The following DNAH8 variants were observed in gnomAD, a reference collection of about 807,000 sequenced individuals.
DNAH8 encodes dynein axonemal heavy chain 8, also known as axonemal beta dynein heavy chain 8.
DNAH8 carries 382 observed loss-of-function variants against 562.1 expected under a neutral mutation model. The observed-to-expected ratio is 0.68, with a 90% CI of 0.63 to 0.74. DNAH8 has a LOEUF of 0.74. Ranked by LOEUF, DNAH8 falls within the 30% of genes least tolerant of loss-of-function variation. DNAH8 has a pLI of 0.00. For synonymous variants in DNAH8, 1,881 were observed against 1,919.4 expected (o/e 0.98, Z 0.52); for missense variants, 5,203 against 5,620.4 (o/e 0.93, Z 2.37).
chr6:38,864,652 A>G (rs558726617), intron 45 of DNAH8, among the ~76,000 whole-genome samples: 13 of 147,408 alleles, frequency 8.8e-5, no homozygotes, highest in African/African-American at 3.0e-4. Context: ...GTCCTAAGAC[A>G]TTGGCTAAAG....
chr6:38,889,314 T>A (rs1423903000), intron 57 of DNAH8, among the ~76,000 whole-genome samples: 1 of 150,612 alleles, frequency 6.6e-6, no homozygotes, highest in Non-Finnish European at 1.5e-5. Flanking sequence ...TTTCAAAAAT[T>A]TTTTTTTTTT....
chr6:38,854,747 A>G (rs1776048444), intron 41 of DNAH8, among the ~76,000 whole-genome samples: 1 of 151,928 alleles, frequency 6.6e-6, no homozygotes, highest in Non-Finnish European at 1.5e-5. Context: ...GAGAGTTGAG[A>G]GCAAGTTCCA....
intron 10 of DNAH8, among the ~76,000 whole-genome samples, chr6:38,760,574 C>T (rs1409782911): frequency 1.3e-5 from 2 of 151,920 alleles, no homozygotes; most frequent in Non-Finnish European, 2.9e-5. Context: ...TTATTTCTAG[C>T]TCACTGATAT....
chr6:38,864,245 T>A (rs922542805), intron 45 of DNAH8, among the ~76,000 whole-genome samples, 185 bp downstream of exon 45: 1 of 151,704 alleles, frequency 6.6e-6, no homozygotes, highest in African/African-American at 2.4e-5. Context: ...TTTTTTCAAT[T>A]AAAAAAAATT....
chr6:38,744,664 T>A (rs1764784415), intron 8 of DNAH8, among the ~76,000 whole-genome samples: 1 of 152,112 alleles, frequency 6.6e-6, no homozygotes, highest in Non-Finnish European at 1.5e-5. Flanking sequence ...ACTATCATGA[T>A]TCACTGCACG....
rs1027145777 is a variant in DNAH8, at chr6:38,874,352, T to C, written c.7620+976T>C. Among the ~76,000 whole-genome samples the C allele has an allele frequency of 2.2e-5, 3 of 138,692 alleles. No individual in the cohort carries two copies. In the South Asian group the frequency reaches 7.7e-4, roughly 36 times the overall value. The allele number at this position is 138,692 out of a possible 152,430, so 91.0% of individuals were successfully genotyped here. A position where few individuals can be genotyped will look rare whatever the true frequency, so the allele number is the denominator to read the frequency against. ...TCCCTCTCTCTCTCTTCTTTTCTTT[T>C]CCTTTCTTTTCTTTCCTTTTCTTTC... On this transcript the variant is annotated intron_variant, in intron 52 of 92. Transcript: ENST00000327475.
Position 38,925,286 on chromosome 6 carries a change from A to ATTATT in DNAH8, c.10963-711_10963-707dup, listed in dbSNP as rs72056166. 9.5e-3 allele frequency among the ~76,000 whole-genome samples: 1,232 copies of ATTATT among 129,980 alleles called. 20 individuals are homozygous for ATTATT. The highest frequency in any genetic ancestry group is 0.027 in the East Asian group (120 of 4,378). The allele number at this position is 129,980 out of a possible 152,430, so 85.3% of individuals were successfully genotyped here. On this transcript the variant is annotated intron_variant, in intron 73 of 92. Transcript: ENST00000327475. ...GGCTGGTTGGCTCATTGGATCTCTG[A>ATTATT]TTATTTTATTTTATTTTATTTTATT...
At chr6:38,988,764 G>T (rs1764582052) in intron 87 of DNAH8, among the ~76,000 whole-genome samples, 1 of 152,048 alleles carries the variant, frequency 6.6e-6, no homozygotes, top group Middle Eastern at 3.4e-3. Flanking sequence ...AAGTTCTCCG[G>T]TCAAACTCCT....
chr6:38,897,779 A>AAAAAAT (rs1341263902), intron 60 of DNAH8, among the ~76,000 whole-genome samples: 135 of 152,260 alleles, frequency 8.9e-4, no homozygotes, highest in African/African-American at 2.8e-3. Flanking sequence ...CCTTGACTCT[A>AAAAAAT]AAAAATAAAA....
At position 38,874,103 on chromosome 6, in the gene DNAH8, TCC is replaced by T. The variant is rs1161773726; in HGVS notation, c.7620+728_7620+729del. Among the ~76,000 whole-genome samples, 135 of 67,256 alleles carry T rather than the reference TCC, an allele frequency of 2.0e-3. 4 individuals carry two copies. The highest frequency in any genetic ancestry group is 4.5e-3 in the African/African-American group (87 of 19,320). 44.1% of individuals were successfully genotyped at this position (67,256 alleles called of 152,430 possible). Reference sequence around the variant, plus strand: ...TTCTTTCTTTCTTTCTTTCTCTTTCTCCTTCCTTCCTTCCTCCTTCTCTCTTT... The same window carrying T: ...TTCTTTCTTTCTTTCTTTCTCTTTCTTTCCTTCCTTCCTCCTTCTCTCTTT... On this transcript the variant is annotated intron_variant, in intron 52 of 92. Coordinates refer to ENST00000327475, the MANE Select transcript of DNAH8 (RefSeq NM_001206927.2).
At chr6:38,881,449 A>G (rs1778470413) in intron 53 of DNAH8, among the ~76,000 whole-genome samples, 1 of 152,228 alleles carries the variant, frequency 6.6e-6, no homozygotes, top group South Asian at 2.1e-4. Context: ...GATAGGAATA[A>G]CGCCAATACA....
chr6:38,803,564 A>G (rs1770978364), intron 22 of DNAH8, among the ~76,000 whole-genome samples: 1 of 149,186 alleles, frequency 6.7e-6, no homozygotes, highest in South Asian at 2.1e-4. Flanking sequence ...TGGCCTTCCT[A>G]TGGATAGCAG....
At chr6:38,987,280 C>T (rs978126994) in intron 87 of DNAH8, among the ~76,000 whole-genome samples, 1 of 152,234 alleles carries the variant, frequency 6.6e-6, no homozygotes, top group Non-Finnish European at 1.5e-5. Flanking sequence ...GGGGATTCCC[C>T]TCTCTGACCC....
chr6:38,839,743 A>G (rs1004638728), intron 33 of DNAH8, among the ~76,000 whole-genome samples: 4 of 151,424 alleles, frequency 2.6e-5, no homozygotes, highest in Non-Finnish European at 5.9e-5. Flanking sequence ...GCTCACAGCA[A>G]CCTCCACCTG....
intron 88 of DNAH8, among the ~76,000 whole-genome samples, chr6:39,002,832 C>A (rs541104991): frequency 6.6e-6 from 1 of 152,274 alleles, no homozygotes; most frequent in South Asian, 2.1e-4. Context: ...CAAACACTTG[C>A]TAGATCTGAT....
chr6:38,719,703 A>T (rs1762602426), intron 1 of DNAH8, among the ~76,000 whole-genome samples: 1 of 152,186 alleles, frequency 6.6e-6, no homozygotes, highest in Non-Finnish European at 1.5e-5. Context: ...ATTACAGCTC[A>T]TTCCCTCTAG....
intron 63 of DNAH8, among the ~76,000 whole-genome samples, chr6:38,907,460 A>G (rs1262321947): frequency 2.0e-5 from 3 of 152,202 alleles, no homozygotes; most frequent in African/African-American, 7.2e-5. Flanking sequence ...CTGCAAAACA[A>G]CCTTATCAAT....
intron 92 of DNAH8, among the ~76,000 whole-genome samples, chr6:39,028,312 T>C (rs899485528): frequency 3.9e-5 from 6 of 152,182 alleles, no homozygotes; most frequent in African/African-American, 1.4e-4. Flanking sequence ...CAGAGATCTA[T>C]TCTCTCATTG....
chr6:38,914,785 G>C (rs1781177791), intron 67 of DNAH8, among the ~76,000 whole-genome samples: 1 of 152,058 alleles, frequency 6.6e-6, no homozygotes, highest in East Asian at 1.9e-4. Context: ...CTAACATAGG[G>C]GAGGCACTTA....
Sources: allele counts gnomAD v4.1 joint callset (sites outside exome capture counted in the v4.1 genomes callset), GRCh38; gene constraint gnomAD v4.1.1; transcripts MANE v1.5; gene names NCBI Gene and HGNC (gene_info 2026-07-23, HGNC 2026-07-21).